CDK10: variants seen among roughly 807,000 people sequenced by gnomAD.
CDK10 encodes cyclin-dependent kinase 10.
CDK10 carries 55 observed loss-of-function variants against 51.0 expected under a neutral mutation model. The observed-to-expected ratio is 1.08, with a 90% CI of 0.87 to 1.35. The LOEUF (loss-of-function observed/expected upper bound fraction) is 1.35, where lower values mean the gene tolerates loss of function less well. Among genes scored for constraint, CDK10 ranks in the 40% most tolerant of loss-of-function variants. The pLI, the probability that CDK10 is intolerant of heterozygous loss-of-function variation, is 0.00. For missense variants in CDK10, 589 were observed against 485.1 expected (o/e 1.21, Z -2.01); for synonymous variants, 255 against 199.1 (o/e 1.28, Z -2.36).
chr16:89,693,138 A>C (rs2060530866), intron 6 of CDK10, 136 bp from the exon 7 acceptor site: 3 of 79,678 alleles, frequency 3.8e-5, no homozygotes, highest in Non-Finnish European at 1.2e-4. Flanking sequence ...ACTCTGTCTC[A>C]AAAAAAAAAA....
At position 89,692,787 on chromosome 16, in the gene CDK10, C is replaced by T. The variant is rs114558240; in HGVS notation, c.485+271C>T. On this transcript the variant is annotated intron_variant, in intron 6 of 12. Coordinates refer to ENST00000353379, the MANE Select transcript of CDK10 (RefSeq NM_052988.5). ...AGCCACCACACCCAGGCATGCACTC[C>T]GATTTTTAAAAGGTCCAAACATCAA... 9.3e-3 allele frequency: 2,877 copies of T among 308,892 alleles called. 83 individuals are homozygous for T. The highest frequency in any genetic ancestry group is 0.058 in the African/African-American group (2,645 of 45,924). 19.1% of individuals were successfully genotyped at this position (308,892 alleles called of 1,614,324 possible). A position where few individuals can be genotyped will look rare whatever the true frequency, so the allele number is the denominator to read the frequency against.
chr16:89,695,642 C>T lies in CDK10; in HGVS notation c.1033C>T (p.Arg345Trp), dbSNP rs202105291. The T allele has an allele frequency of 2.2e-5, 35 of 1,604,560 alleles. No individual in the cohort carries two copies. Among genetic ancestry groups the T allele is most frequent in the East Asian group, 2.3e-5 (1 of 44,430 alleles). The change falls in exon 13 of 13, where the codon CGG becomes TGG. Residue 345 changes from arginine (R) to tryptophan (W), a missense_variant. Arg to Trp is a moderately radical substitution (Grantham distance 101). Coordinates refer to ENST00000353379, the MANE Select transcript of CDK10 (RefSeq NM_052988.5). ...GACCTTTCCCCACCACCGCAACAAG[C>T]GGGCCGCCCCAGCCACCTCCGAGGG... ...MPTFPHHRNK[R>W]AAPATSEGQS...
In CDK10 at chr16:89,690,640, G is replaced by T. The variant is rs768431868; in HGVS notation, c.232+16G>T. 2.5e-6 allele frequency: 4 copies of T among 1,610,046 alleles called. No homozygotes were observed. The Admixed American group carries it at 6.7e-5, about 27-fold the overall frequency. ...GAGAAGGATGGTGAGCAGGAAATTG[G>T]GGTGTTGGGACCTCGCACTGGGAGG... On this transcript the variant is annotated intron_variant, in intron 3 of 12. Transcript: ENST00000353379.
At chr16:89,689,599 C>T in intron 2 of CDK10, 1 of 403,272 alleles carries the variant, frequency 2.5e-6, no homozygotes, top group South Asian at 3.0e-5. Flanking sequence ...AAATACAGAA[C>T]TTTCCAGAAG....
Position 89,689,323 on chromosome 16 carries a change from G to A in CDK10, c.159G>A (p.Val53=). The change falls in exon 2 of 13, where the codon GTG becomes GTA. Residue 53 remains valine, a splice_region_variant and synonymous_variant. Transcript: ENST00000353379. ...TTGGAGAGGGTACCTACGGCATTGT[G>A]TGTGAGTGGCCAAGGCTAGGACATG... is the stretch of plus-strand genomic sequence containing the variant. ...NRIGEGTYGI[V]YRARDTQTDE... 2 of 1,613,718 alleles carry A rather than the reference G, an allele frequency of 1.2e-6. No individual in the cohort carries two copies. Among genetic ancestry groups the A allele is most frequent in the Non-Finnish European group, 1.7e-6 (2 of 1,179,634 alleles).
At chr16:89,690,731 C>T (rs754565532) in intron 3 of CDK10, 107 bp downstream of exon 3, 80 of 986,500 alleles carry the variant, frequency 8.1e-5, no homozygotes, top group Admixed American at 1.4e-4. Context: ...TAGCGGGGGC[C>T]GGCCTCTGGG....
chr16:89,691,555 C>T lies in CDK10; in HGVS notation c.335+10C>T, dbSNP rs2060450227. On this transcript the variant is annotated intron_variant, in intron 4 of 12. Transcript: ENST00000353379. ...GGAACCACCTGGAGAGGTACGTGGT[C>T]TCCTGGTCTGCACATTGGGCCCTAG... 1 of 1,607,638 alleles carries T rather than the reference C, an allele frequency of 6.2e-7. No individual in the cohort carries two copies. Among genetic ancestry groups the T allele is most frequent in the Non-Finnish European group, 8.5e-7 (1 of 1,174,894 alleles).
Position 89,694,203 on chromosome 16 carries a change from C to T in CDK10, c.639C>T (p.Thr213=), listed in dbSNP as rs139925030. 2.5e-6 allele frequency: 4 copies of T among 1,613,914 alleles called. No homozygotes were observed. The African/African-American group carries it at 4.0e-5, about 16-fold the overall frequency. Residue 213 remains threonine, a synonymous_variant, in exon 9 of 13, where the codon ACC becomes ACT. Transcript: ENST00000353379. ...GAGCCCCTGAACTGCTGTTGGGAAC[C>T]ACCACGCAGACCACCAGCATCGACA... The part of the protein sequence containing the change: ...WYRAPELLLG[T]TTQTTSIDMW...
In CDK10 at chr16:89,691,557, C is replaced by G; in HGVS notation, c.335+12C>G. On this transcript the variant is annotated intron_variant, in intron 4 of 12. Transcript: ENST00000353379. ...AACCACCTGGAGAGGTACGTGGTCT[C>G]CTGGTCTGCACATTGGGCCCTAGGG... 6.2e-7 allele frequency: 1 copy of G among 1,605,800 alleles called. No homozygotes were observed. The highest frequency in any genetic ancestry group is 8.5e-7 in the Non-Finnish European group (1 of 1,173,324).
At chr16:89,694,271 G>A (rs763485822) in intron 9 of CDK10, 39 bp downstream of exon 9, 36 of 1,603,020 alleles carry the variant, frequency 2.2e-5, no homozygotes, top group Non-Finnish European at 2.9e-5. Context: ...GCCTCAGGAA[G>A]GGCTGGGACA....
chr16:89,690,011 G>T (rs2060370636), intron 2 of CDK10: 1 of 156,784 alleles, frequency 6.4e-6, no homozygotes, highest in South Asian at 1.9e-4. Context: ...GCTGCAGTGA[G>T]CTGTGATCAC....
intron 6 of CDK10, chr16:89,692,815 G>A: frequency 3.8e-6 from 1 of 265,308 alleles, no homozygotes; most frequent in Admixed American, 4.9e-5. Flanking sequence ...AACATCAACA[G>A]CATGTAAGAG....
intron 8 of CDK10, chr16:89,693,671 G>T (rs536208171): frequency 2.6e-5 from 16 of 605,038 alleles, no homozygotes; most frequent in African/African-American, 2.4e-4. Flanking sequence ...GCTCAGTGGC[G>T]TCAAGGGCCT....
chr16:89,691,443 G>C lies in CDK10; in HGVS notation c.233G>C (p.Gly78Ala). Residue 78 changes from glycine (G) to alanine (A), a missense_variant and splice_region_variant, in exon 4 of 13, where the codon GGC (glycine) becomes GCC (alanine). Coordinates refer to ENST00000353379, the MANE Select transcript of CDK10 (RefSeq NM_052988.5). ...TCGCTGAGGCCACCTCCCTCCCCAGGCATCCCCATCAGCAGCTTGCGGGAG... is the reference window on the plus strand; with the variant it reads ...TCGCTGAGGCCACCTCCCTCCCCAGCCATCCCCATCAGCAGCTTGCGGGAG... Reference protein sequence around the residue: ...KKVRMDKEKDGIPISSLREIT... With the variant: ...KKVRMDKEKDAIPISSLREIT... 2 of 1,603,580 alleles carry C rather than the reference G, an allele frequency of 1.2e-6. No homozygotes were observed. Among genetic ancestry groups the C allele is most frequent in the Admixed American group, 1.7e-5 (1 of 59,198 alleles).
rs2060703466 is a variant in CDK10 at position 89,695,929 on chromosome 16, C to T, written c.*237C>T. On this transcript the variant is annotated 3_prime_UTR_variant, in exon 13 of 13. Coordinates refer to ENST00000353379, the MANE Select transcript of CDK10 (RefSeq NM_052988.5). ...GTGCACCCTGGAAGGGCAGGTCTGG[C>T]GGCTCCATCCGTGGCTGCAGGGGTC... 18 of 781,620 alleles carry T rather than the reference C, an allele frequency of 2.3e-5. No homozygotes were observed. The highest frequency in any genetic ancestry group is 3.5e-5 in the Non-Finnish European group (17 of 481,280). 48.4% of individuals were successfully genotyped at this position (781,620 alleles called of 1,614,324 possible).
rs1442943642 is a variant in CDK10, at chr16:89,686,752, G to A, written c.42G>A (p.Lys14=). The A allele has an allele frequency of 5.0e-6, 8 of 1,612,550 alleles. No homozygotes were observed. Among genetic ancestry groups the A allele is most frequent in the Non-Finnish European group, 6.8e-6 (8 of 1,179,220 alleles). ...PDLECEQIRL[K]CIRKEGFFTV... The stretch of plus-strand genomic sequence containing the variant: ...TGGAGTGCGAGCAGATCCGTCTGAA[G>A]TGTATTCGTAAGGAGGGCTTCTTCA... The change falls in exon 1 of 13, where the codon AAG becomes AAA. Residue 14 remains lysine, a synonymous_variant. Coordinates refer to ENST00000353379, the MANE Select transcript of CDK10 (RefSeq NM_052988.5).
At chr16:89,693,975 C>A in intron 8 of CDK10, 198 bp from the exon 9 acceptor site, 1 of 628,492 alleles carries the variant, frequency 1.6e-6, no homozygotes, top group Non-Finnish European at 2.9e-6. Flanking sequence ...TCTCAGGACA[C>A]CGCTGCACGT....
chr16:89,692,554 G>A lies in CDK10; in HGVS notation c.485+38G>A, dbSNP rs535170265. ...TAGGCAGAGTTGGAAGCACAAATTCGGCTGAGGCCTAACTCTGCTGCCCCT... is the reference window on the plus strand; with the variant it reads ...TAGGCAGAGTTGGAAGCACAAATTCAGCTGAGGCCTAACTCTGCTGCCCCT... On this transcript the variant is annotated intron_variant, in intron 6 of 12. Coordinates refer to ENST00000353379, the MANE Select transcript of CDK10 (RefSeq NM_052988.5). The A allele has an allele frequency of 5.9e-5, 89 of 1,507,520 alleles. 1 individual carries two copies. The highest frequency in any genetic ancestry group is 7.3e-5 in the Non-Finnish European group (81 of 1,110,584). The allele number at this position is 1,507,520 out of a possible 1,614,324, so 93.4% of individuals were successfully genotyped here.
intron 5 of CDK10, 116 bp downstream of exon 5, chr16:89,692,003 A>G (rs2060473002): frequency 1.3e-6 from 1 of 793,786 alleles, no homozygotes; most frequent in Non-Finnish European, 2.0e-6. Flanking sequence ...CTCTGCCTCC[A>G]CCTCCCAGTG....
Sources: allele counts gnomAD v4.1 joint callset, GRCh38; gene constraint gnomAD v4.1.1; transcripts MANE v1.5; gene names NCBI Gene and HGNC (gene_info 2026-07-23, HGNC 2026-07-21).